SUPT3H: variants seen among roughly 807,000 people sequenced by gnomAD.
The protein encoded by SUPT3H is SPT3 homolog, SAGA and STAGA complex component, also known as transcription initiation protein SPT3 homolog.
SUPT3H carries 44 observed loss-of-function variants against 44.3 expected under a neutral mutation model. The ratio of observed to expected loss-of-function variants is 0.99; its 90% CI spans 0.78 to 1.28. The LOEUF is 1.28. Among genes scored for constraint, SUPT3H ranks in the 50% most tolerant of loss-of-function variants. The probability of loss-of-function intolerance (pLI) is 0.00; values close to 1 mark genes in which losing one functional copy is unlikely to be tolerated. For missense variants in SUPT3H, 380 were observed against 387.1 expected (o/e 0.98, Z 0.15); for synonymous variants, 124 against 125.6 (o/e 0.99, Z 0.09).
At chr6:45,258,285 A>C (rs541184821) in intron 2 of SUPT3H, among the ~76,000 whole-genome samples, 1 of 152,322 alleles carries the variant, frequency 6.6e-6, no homozygotes, top group South Asian at 2.1e-4. Context: ...CACTTTTCTA[A>C]ATGGGAAAAG....
intron 9 of SUPT3H, among the ~76,000 whole-genome samples, chr6:44,950,578 T>C (rs1055792398): frequency 6.6e-6 from 1 of 152,048 alleles, no homozygotes; most frequent in African/African-American, 2.4e-5. Flanking sequence ...TGCCTGTGAA[T>C]AGCCACTGCA....
intron 2 of SUPT3H, among the ~76,000 whole-genome samples, chr6:45,329,914 CCTT>C (rs1177599026): frequency 2.0e-5 from 3 of 151,800 alleles, no homozygotes; most frequent in African/African-American, 7.2e-5. Flanking sequence ...TTAAAATAAA[CCTT>C]CTTGCTGTGT....
chr6:45,220,742 C>T (rs2153635300), intron 2 of SUPT3H, among the ~76,000 whole-genome samples: 1 of 152,286 alleles, frequency 6.6e-6, no homozygotes, highest in Middle Eastern at 3.4e-3. Flanking sequence ...AAAACCTAGG[C>T]CATACCATTC....
intron 9 of SUPT3H, among the ~76,000 whole-genome samples, chr6:44,947,304 T>C (rs902304746): frequency 2.0e-5 from 3 of 152,056 alleles, no homozygotes; most frequent in African/African-American, 7.2e-5. Context: ...CATACAAATA[T>C]ATTGAAAGGA....
At chr6:44,863,760 C>T (rs1582059194) in intron 10 of SUPT3H, among the ~76,000 whole-genome samples, 1 of 139,540 alleles carries the variant, frequency 7.2e-6, no homozygotes, top group South Asian at 2.3e-4. Context: ...TTAATGGACT[C>T]ACAGTTCCAC....
chr6:44,811,473 A>G (rs904248936), intron 11 of SUPT3H, among the ~76,000 whole-genome samples: 1 of 152,248 alleles, frequency 6.6e-6, no homozygotes, highest in Non-Finnish European at 1.5e-5. Context: ...AGTCATTGGT[A>G]GTGTGCCAAC....
intron 10 of SUPT3H, among the ~76,000 whole-genome samples, chr6:44,917,332 T>C (rs756345627): frequency 5.9e-5 from 9 of 152,208 alleles, no homozygotes; most frequent in Non-Finnish European, 1.2e-4. Context: ...AATGAGACTG[T>C]ATTTGAGACT....
chr6:45,146,540 A>G (rs1291378707), intron 2 of SUPT3H, among the ~76,000 whole-genome samples: 2 of 152,158 alleles, frequency 1.3e-5, no homozygotes, highest in East Asian at 3.8e-4. Context: ...GAACTTATCC[A>G]TGTAACCAAA....
chr6:44,986,840 GA>G (rs147181222), intron 6 of SUPT3H, among the ~76,000 whole-genome samples: 4,942 of 149,832 alleles, frequency 0.033, 240 homozygotes, highest in African/African-American at 0.11. Flanking sequence ...GAGGAAGACA[GA>G]AAAAAAAACA....
chr6:45,094,226 A>G (rs1583499977), intron 3 of SUPT3H, among the ~76,000 whole-genome samples: 4 of 152,150 alleles, frequency 2.6e-5, no homozygotes, highest in African/African-American at 9.7e-5. Flanking sequence ...TACAGGATAC[A>G]AGTAGCTAGA....
At chr6:45,238,140 A>C (rs1769556172) in intron 2 of SUPT3H, among the ~76,000 whole-genome samples, 1 of 152,164 alleles carries the variant, frequency 6.6e-6, no homozygotes, top group South Asian at 2.1e-4. Context: ...TCGTAAAAAA[A>C]TTTTTAGTGT....
downstream of SUPT3H, among the ~76,000 whole-genome samples, chr6:44,823,387 C>T (rs1017711564): frequency 6.6e-6 from 1 of 152,002 alleles, no homozygotes; most frequent in African/African-American, 2.4e-5. Flanking sequence ...CCATGAAAAC[C>T]TAGGAAAGAA....
At chr6:45,221,508 G>A (rs1054412755) in intron 2 of SUPT3H, among the ~76,000 whole-genome samples, 5 of 151,950 alleles carry the variant, frequency 3.3e-5, no homozygotes, top group Non-Finnish European at 5.9e-5. Flanking sequence ...TTACTCCTAA[G>A]ACAATTACTT....
rs1456916626 is a variant in SUPT3H at position 45,064,358 on chromosome 6, C to A, written c.186+41564G>T. On this transcript the variant is annotated intron_variant, in intron 3 of 10. Coordinates refer to ENST00000371459, the MANE Select transcript of SUPT3H (RefSeq NM_003599.4). ...TGGTACCAGCCGCTGCAAAATCATGCCAAAATGTAAAGACCATCGAGACTA... is the reference window on the plus strand; with the variant it reads ...TGGTACCAGCCGCTGCAAAATCATGACAAAATGTAAAGACCATCGAGACTA... Among the ~76,000 whole-genome samples the A allele has an allele frequency of 3.9e-4, 57 of 146,438 alleles. 2 individuals carry two copies. The highest frequency in any genetic ancestry group is 3.6e-3 in the Middle Eastern group (1 of 276).
intron 3 of SUPT3H, among the ~76,000 whole-genome samples, chr6:45,022,535 C>T (rs1413051988): frequency 1.3e-5 from 2 of 151,248 alleles, no homozygotes; most frequent in East Asian, 1.9e-4. Flanking sequence ...TTTTATTTAC[C>T]TGTTTTTCTA....
chr6:44,836,791 AAAG>A (rs1318980871), intron 10 of SUPT3H, among the ~76,000 whole-genome samples: 1 of 152,166 alleles, frequency 6.6e-6, no homozygotes, highest in Non-Finnish European at 1.5e-5. Flanking sequence ...TTTAGGAAAA[AAAG>A]GTTTTTTGTA....
chr6:45,264,436 G>A (rs1774919462), intron 2 of SUPT3H, among the ~76,000 whole-genome samples: 1 of 152,232 alleles, frequency 6.6e-6, no homozygotes, highest in East Asian at 1.9e-4. Context: ...GAGGCAGGTG[G>A]ATCACTTGAG....
intron 2 of SUPT3H, among the ~76,000 whole-genome samples, chr6:45,260,363 T>A (rs1009042326): frequency 6.6e-6 from 1 of 152,126 alleles, no homozygotes; most frequent in African/African-American, 2.4e-5. Context: ...TTAGTTGTGG[T>A]TTACCTAAAT....
intron 1 of SUPT3H, chr6:45,377,542 G>A (rs976151536): frequency 3.3e-5 from 5 of 152,064 alleles, no homozygotes; most frequent in African/African-American, 1.2e-4. Flanking sequence ...CTCCACGCTC[G>A]GCAGCGGAAC....
Sources: gnomAD v4.1 joint callset for allele counts (sites outside exome capture counted in the v4.1 genomes callset) on GRCh38, gnomAD v4.1.1 for gene constraint, MANE v1.5 for transcripts, NCBI Gene and HGNC (gene_info 2026-07-23, HGNC 2026-07-21) for gene names.